Variants in TRPC4AP observed in about 807,000 individuals in gnomAD.
The protein encoded by TRPC4AP is short transient receptor potential channel 4-associated protein.
A neutral mutation model predicts 99.0 loss-of-function variants in TRPC4AP; 45 were observed. That is an observed-to-expected ratio of 0.45 (90% CI 0.36 to 0.58). TRPC4AP has a LOEUF of 0.58. Among genes scored for constraint, TRPC4AP ranks in the 20% least tolerant of loss-of-function variants. The pLI is 0.00. For synonymous variants in TRPC4AP, 408 were observed against 385.8 expected, an observed-to-expected ratio of 1.06 and a Z score of -0.67; for missense variants, 879 against 985.3, an observed-to-expected ratio of 0.89 and a Z score of 1.44.
chr20:35,058,115 A>C (rs1304734977), intron 3 of TRPC4AP, among the ~76,000 whole-genome samples: 1 of 152,244 alleles, frequency 6.6e-6, no homozygotes, highest in Non-Finnish European at 1.5e-5. Flanking sequence ...CATTAGAAAG[A>C]TATAACAACT....
intron 3 of TRPC4AP, 51 bp downstream of exon 3, chr20:35,069,245 C>G (rs1295139733): frequency 9.5e-7 from 1 of 1,052,502 alleles, no homozygotes; most frequent in Non-Finnish European, 1.4e-6. Context: ...GTTAAATTCC[C>G]AAACCATTAA....
At chr20:35,083,389 C>G (rs1412441883) in intron 1 of TRPC4AP, among the ~76,000 whole-genome samples, 1 of 151,256 alleles carries the variant, frequency 6.6e-6, no homozygotes, top group African/African-American at 2.4e-5. Flanking sequence ...CACCTGAGAT[C>G]AAGAGTTTGA....
Position 35,055,024 on chromosome 20 carries a change from A to G in TRPC4AP, c.480T>C (p.Asp160=). 2 of 1,613,364 alleles carry G rather than the reference A, an allele frequency of 1.2e-6. No homozygotes were observed. Among genetic ancestry groups the G allele is most frequent in the Non-Finnish European group, 1.7e-6 (2 of 1,179,448 alleles). The change falls in exon 5 of 19, where the codon GAT becomes GAC. Residue 160 remains aspartate, a synonymous_variant. Transcript: ENST00000252015. ...SIRGQKLKIS[D]EMSKDCLSIL... ...TACTCAAGCAGTCCTTGGACATTTC[A>G]TCACTTACTGAAAGTGAAAGGGTAA... is the stretch of plus-strand genomic sequence containing the variant.
At chr20:35,044,388 A>T in intron 7 of TRPC4AP, 117 bp downstream of exon 7, 1 of 1,048,092 alleles carries the variant, frequency 9.5e-7, no homozygotes, top group Non-Finnish European at 1.3e-6. Context: ...TGACGATCCC[A>T]TCTCAAAAAA....
chr20:35,002,410 T>TTAAAA lies in TRPC4AP; in HGVS notation c.*731_*735dup, dbSNP rs1159887377. ...AAAGCCAGGTCCACAGCAGTCATTT[T>TTAAAA]TAAAATAAAGTTATTTAATAGTCTC... On this transcript the variant is annotated 3_prime_UTR_variant, in exon 19 of 19. Coordinates refer to ENST00000252015, the MANE Select transcript of TRPC4AP (RefSeq NM_015638.3). 2.6e-5 allele frequency: 11 copies of TTAAAA among 428,710 alleles called. No individual in the cohort carries two copies. The highest frequency in any genetic ancestry group is 1.4e-4 in the East Asian group (4 of 28,796). The allele number at this position is 428,710 out of a possible 1,614,324, so 26.6% of individuals were successfully genotyped here. A position where few individuals can be genotyped will look rare whatever the true frequency, so the allele number is the denominator to read the frequency against.
At chr20:35,006,366 G>A in intron 15 of TRPC4AP, 69 bp downstream of exon 15, 1 of 1,575,174 alleles carries the variant, frequency 6.3e-7, no homozygotes, top group Non-Finnish European at 8.7e-7. Context: ...CTAAAGCCTG[G>A]CAGACCAGGA....
intron 1 of TRPC4AP, among the ~76,000 whole-genome samples, chr20:35,082,624 CCA>C (rs1230947792): frequency 6.6e-6 from 1 of 152,076 alleles, no homozygotes; most frequent in African/African-American, 2.4e-5. Context: ...AAACTGCAGG[CCA>C]GTTTCACTAA....
chr20:35,092,514 T>G, intron 1 of TRPC4AP, 100 bp downstream of exon 1: 2 of 1,346,734 alleles, frequency 1.5e-6, no homozygotes, highest in Non-Finnish European at 1.9e-6. Flanking sequence ...CAAAAGGGCT[T>G]TGGCCCGTCC....
chr20:35,086,477 A>ATATATATATG (rs1569157601), intron 1 of TRPC4AP, among the ~76,000 whole-genome samples: 7 of 64,292 alleles, frequency 1.1e-4, no homozygotes, highest in South Asian at 5.2e-4. Flanking sequence ...GTGTGTGTGT[A>ATATATATATG]TGTGTGTGTA....
At position 35,033,073 on chromosome 20, in the gene TRPC4AP, T is replaced by A. The variant is rs151264300; in HGVS notation, c.1051+2050A>T. 7.4e-3 allele frequency among the ~76,000 whole-genome samples: 1,127 copies of A among 152,178 alleles called. 7 individuals carry two copies. Among genetic ancestry groups the A allele is most frequent in the African/African-American group, 0.026 (1,070 of 41,512 alleles). On this transcript the variant is annotated intron_variant, in intron 8 of 18. Transcript: ENST00000252015. ...TTAGCCGGGTGTGGTGGCATGCACC[T>A]GTAACCCCAGCTACTCGGGAGGCTG...
At chr20:35,090,029 AG>A (rs2085005483) in intron 1 of TRPC4AP, among the ~76,000 whole-genome samples, 1 of 150,758 alleles carries the variant, frequency 6.6e-6, no homozygotes, top group Non-Finnish European at 1.5e-5. Flanking sequence ...CTAAGGTGGG[AG>A]GATCACTTGA....
rs2146016417 is a variant in TRPC4AP, at chr20:35,078,098, T to G, written c.245A>C (p.His82Pro). The change falls in exon 2 of 19, where the codon CAC (histidine) becomes CCC (proline). Residue 82 changes from histidine (H) to proline (P), a missense_variant. His to Pro is a moderately conservative substitution (Grantham distance 77). Around this residue, in one of 3 missense-constraint regions of TRPC4AP, gnomAD observed 603 missense variants for 631.8 expected, o/e 0.95. Coordinates refer to ENST00000252015, the MANE Select transcript of TRPC4AP (RefSeq NM_015638.3). ...GTCACTGTGGAGGTGGCTGGTGGTG[T>G]GCAGCTTGAGGAGCAGCTGAGGAAT... ...SGIPQLLLKL[H>P]TTSHLHSDFV... The G allele has an allele frequency of 6.2e-7, 1 of 1,614,088 alleles. No individual in the cohort carries two copies. Among genetic ancestry groups the G allele is most frequent in the Non-Finnish European group, 8.5e-7 (1 of 1,179,968 alleles).
In TRPC4AP at chr20:35,069,345, T is replaced by C; in HGVS notation, c.365A>G (p.Glu122Gly). 1 of 1,612,780 alleles carries C rather than the reference T, an allele frequency of 6.2e-7. No individual in the cohort carries two copies. Among genetic ancestry groups the C allele is most frequent in the Non-Finnish European group, 8.5e-7 (1 of 1,178,860 alleles). ...FVTEERKLTQETTYPNTYIFD... is the reference protein window; with the variant it reads ...FVTEERKLTQGTTYPNTYIFD... ...AATGTAAGTATTTGGATAAGTGGTT[T>C]CTTGGGTAAGTTTCCTCTCTTCAGT... is the stretch of plus-strand genomic sequence containing the variant. The change falls in exon 3 of 19, where the codon GAA becomes GGA. Residue 122 changes from glutamate to glycine, a missense_variant. By Grantham distance (98) the Glu-to-Gly change is moderately conservative. Around this residue, in one of 3 missense-constraint regions of TRPC4AP, gnomAD observed 603 missense variants for 631.8 expected, o/e 0.95. Transcript: ENST00000252015.
At chr20:35,068,429 C>T (rs2084200713) in intron 3 of TRPC4AP, among the ~76,000 whole-genome samples, 1 of 152,142 alleles carries the variant, frequency 6.6e-6, no homozygotes, top group South Asian at 2.1e-4. Context: ...AAGATCTTTA[C>T]TGCAACCTTG....
chr20:35,073,883 T>A (rs917955013), intron 2 of TRPC4AP, among the ~76,000 whole-genome samples: 4 of 152,234 alleles, frequency 2.6e-5, no homozygotes, highest in Non-Finnish European at 5.9e-5. Flanking sequence ...AATTCGGCTG[T>A]GAATCCGTCT....
rs547161369 is a variant in TRPC4AP, at chr20:35,015,292, G to A, written c.1350+716C>T. Among the ~76,000 whole-genome samples the A allele has an allele frequency of 2.3e-3, 357 of 151,978 alleles. 1 individual carries two copies. The highest frequency in any genetic ancestry group is 8.4e-3 in the African/African-American group (347 of 41,446). On this transcript the variant is annotated intron_variant, in intron 10 of 18. Transcript: ENST00000252015. Reference sequence around the variant, plus strand: ...CTGGGATTACGGGTGTGACCACCACGCCCGGGAGCACGGTTCTATAGGTGG... The same window carrying A: ...CTGGGATTACGGGTGTGACCACCACACCCGGGAGCACGGTTCTATAGGTGG...
At position 35,002,930 on chromosome 20, in the gene TRPC4AP, C is replaced by A; in HGVS notation, c.*216G>T. Reference sequence around the variant, plus strand: ...CTGAAGGAAAGGTGGGCATGGTACCCTGTCCTCATTATGGGGACTGAGGCT... The same window carrying A: ...CTGAAGGAAAGGTGGGCATGGTACCATGTCCTCATTATGGGGACTGAGGCT... On this transcript the variant is annotated 3_prime_UTR_variant, in exon 19 of 19. Transcript: ENST00000252015. 1 of 589,214 alleles carries A rather than the reference C, an allele frequency of 1.7e-6. No individual in the cohort carries two copies. The allele number at this position is 589,214 out of a possible 1,614,324, so 36.5% of individuals were successfully genotyped here. A position where few individuals can be genotyped will look rare whatever the true frequency, so the allele number is the denominator to read the frequency against.
intron 8 of TRPC4AP, among the ~76,000 whole-genome samples, chr20:35,026,161 T>C (rs1346300951): frequency 6.6e-6 from 1 of 152,060 alleles, no homozygotes; most frequent in Non-Finnish European, 1.5e-5. Flanking sequence ...GCCAGCAGCA[T>C]AGTGTCTCGA....
chr20:35,035,753 A>C (rs970579245), intron 7 of TRPC4AP, among the ~76,000 whole-genome samples: 1 of 152,238 alleles, frequency 6.6e-6, no homozygotes, highest in Non-Finnish European at 1.5e-5. Flanking sequence ...TATACAATGG[A>C]ATACTGCATA....
Sources: gnomAD v4.1 joint callset for allele counts (sites outside exome capture counted in the v4.1 genomes callset) on GRCh38, gnomAD v4.1.1 for gene constraint, gnomAD v4.1.1 regional missense constraint, MANE v1.5 for transcripts, NCBI Gene and HGNC (gene_info 2026-07-23, HGNC 2026-07-21) for gene names.